Variants in SNX29 observed in about 807,000 individuals in gnomAD.
The protein encoded by SNX29 is sorting nexin-29.
A neutral mutation model predicts 102.1 loss-of-function variants in SNX29; 78 were observed. That is an observed-to-expected ratio of 0.76 (90% CI 0.64 to 0.92). The LOEUF is 0.92. SNX29 is among the 40% of genes least tolerant of loss of function. The pLI, the probability that SNX29 is intolerant of heterozygous loss-of-function variation, is 0.00. For synonymous variants in SNX29, 580 were observed against 414.5 expected (o/e 1.40, Z -4.85); for missense variants, 1,280 against 1,061.7 (o/e 1.21, Z -2.86).
intron 13 of SNX29, among the ~76,000 whole-genome samples, chr16:12,166,096 C>A (rs1376144423): frequency 1.3e-5 from 2 of 152,154 alleles, no homozygotes; most frequent in Non-Finnish European, 2.9e-5. Context: ...GTAGTCATTG[C>A]CGTTATCGTA....
chr16:12,528,842 T>A (rs1344294130), intron 20 of SNX29, among the ~76,000 whole-genome samples: 3 of 152,204 alleles, frequency 2.0e-5, no homozygotes, highest in Admixed American at 2.0e-4. Context: ...TCAGGAATGG[T>A]GGTCCCATTC....
chr16:12,565,178 C>T (rs1598099470), intron 20 of SNX29, among the ~76,000 whole-genome samples: 1 of 152,102 alleles, frequency 6.6e-6, no homozygotes, highest in Non-Finnish European at 1.5e-5. Context: ...TCCTACCCAA[C>T]CCCCCACCTT....
chr16:12,165,740 G>A (rs1369128374), intron 13 of SNX29, among the ~76,000 whole-genome samples: 3 of 152,208 alleles, frequency 2.0e-5, no homozygotes, highest in Non-Finnish European at 2.9e-5. Context: ...ATTTTTGTGT[G>A]TTCAGTGGAG....
chr16:12,292,934 GA>G (rs2079849033), intron 15 of SNX29, among the ~76,000 whole-genome samples: 1 of 152,112 alleles, frequency 6.6e-6, no homozygotes, highest in Non-Finnish European at 1.5e-5. Context: ...TCCAGCTGAG[GA>G]ACTTTCTTAT....
chr16:12,141,008 A>C (rs182178117), intron 13 of SNX29, among the ~76,000 whole-genome samples: 1 of 152,364 alleles, frequency 6.6e-6, no homozygotes, highest in East Asian at 1.9e-4. Flanking sequence ...ATTTCAGTAC[A>C]TATTGGTCTG....
chr16:12,568,568 A>G lies in SNX29; in HGVS notation c.2381A>G (p.Lys794Arg), dbSNP rs556754506. Residue 794 changes from lysine to arginine, a missense_variant, in exon 21 of 21, where the codon AAA becomes AGA. Physicochemically the swap from Lys to Arg is conservative, Grantham distance 26. Coordinates refer to ENST00000566228, the MANE Select transcript of SNX29 (RefSeq NM_032167.5). ...CCCAAAGCAGCTTCCCGCTTCCCCA[A>G]ACTGTCCCGGGGTCAGCCCCGGGAG... ...SRPKAASRFP[K>R]LSRGQPRETR... 104 of 1,608,230 alleles carry G rather than the reference A, an allele frequency of 6.5e-5. No homozygotes were observed. The highest frequency in any genetic ancestry group is 3.6e-4 in the East Asian group (16 of 44,840).
chr16:12,310,256 A>G (rs74008939), intron 15 of SNX29, among the ~76,000 whole-genome samples: 1,992 of 152,350 alleles, frequency 0.013, 57 homozygotes, highest in African/African-American at 0.045. Context: ...TGACCCTGAA[A>G]AAAGGATGTA....
intron 16 of SNX29, among the ~76,000 whole-genome samples, chr16:12,372,145 C>T (rs576136717): frequency 9.8e-4 from 150 of 152,320 alleles, no homozygotes; most frequent in African/African-American, 3.5e-3. Context: ...TATATATACA[C>T]ACACACATGC....
intron 15 of SNX29, among the ~76,000 whole-genome samples, chr16:12,293,685 C>CA (rs1168425631): frequency 6.6e-6 from 1 of 152,140 alleles, no homozygotes; most frequent in East Asian, 1.9e-4. Flanking sequence ...ACATATTGAA[C>CA]ATTTTTTACT....
chr16:12,560,378 G>A (rs986291234), intron 20 of SNX29, among the ~76,000 whole-genome samples: 2 of 152,162 alleles, frequency 1.3e-5, no homozygotes, highest in Non-Finnish European at 2.9e-5. Context: ...TGTGCGCTCA[G>A]TATTTTGAGT....
chr16:12,473,144 A>G (rs569260536), intron 18 of SNX29, among the ~76,000 whole-genome samples: 9 of 152,342 alleles, frequency 5.9e-5, no homozygotes, highest in African/African-American at 2.2e-4. Flanking sequence ...TTTTGGGCCT[A>G]AGCCCTCTGA....
intron 16 of SNX29, chr16:12,372,760 C>A (rs1364712638): frequency 2.0e-5 from 3 of 152,128 alleles, no homozygotes; most frequent in Non-Finnish European, 4.4e-5. Flanking sequence ...GAAGATGGGC[C>A]TGTTAGGCAG....
intron 20 of SNX29, among the ~76,000 whole-genome samples, chr16:12,555,649 A>G (rs2078290331): frequency 6.6e-6 from 1 of 152,000 alleles, no homozygotes; most frequent in Admixed American, 6.6e-5. Context: ...CACTGATGCC[A>G]GACCCTGTCA....
At chr16:12,315,752 G>T (rs966994756) in intron 15 of SNX29, among the ~76,000 whole-genome samples, 1 of 152,218 alleles carries the variant, frequency 6.6e-6, no homozygotes, top group Non-Finnish European at 1.5e-5. Flanking sequence ...TGTTACCACA[G>T]CCCTAACAGA....
chr16:12,240,114 A>T (rs1053536637), intron 14 of SNX29, among the ~76,000 whole-genome samples: 1 of 152,200 alleles, frequency 6.6e-6, no homozygotes, highest in African/African-American at 2.4e-5. Context: ...CGGCCGCATG[A>T]TGTCTCTGTT....
chr16:12,307,380 G>T lies in SNX29; in HGVS notation c.1782+29344G>T, dbSNP rs192383805. On this transcript the variant is annotated intron_variant, in intron 15 of 20. Coordinates refer to ENST00000566228, the MANE Select transcript of SNX29 (RefSeq NM_032167.5). ...AGAACTGTATCCTCCAGTATAAAAT[G>T]AGAAATGCAATTCCTGTCATTAAAT... 2.5e-4 allele frequency among the ~76,000 whole-genome samples: 38 copies of T among 152,306 alleles called. No individual in the cohort carries two copies. The East Asian group carries it at 6.4e-3, about 25-fold the overall frequency.
At chr16:12,368,182 C>T (rs1037189832) in intron 16 of SNX29, among the ~76,000 whole-genome samples, 1 of 152,156 alleles carries the variant, frequency 6.6e-6, no homozygotes, top group Non-Finnish European at 1.5e-5. Flanking sequence ...CCCTGGGGAC[C>T]CATGAGGGGC....
At chr16:12,328,979 A>G (rs1010993998) in intron 15 of SNX29, among the ~76,000 whole-genome samples, 4 of 151,904 alleles carry the variant, frequency 2.6e-5, no homozygotes, top group Non-Finnish European at 5.9e-5. Flanking sequence ...ACAGTGACAA[A>G]ATAACCCCCT....
In SNX29 at chr16:12,570,034, A is replaced by ATC. The variant is rs1322168698; in HGVS notation, c.*1408_*1409dup. On this transcript the variant is annotated 3_prime_UTR_variant, in exon 21 of 21. Transcript: ENST00000566228. ...AGAACTGCCCAGGTGAGCATGGAGC[A>ATC]TCTCCTAGGCTCGAGGACATCTCTG... 2.5e-6 allele frequency: 1 copy of ATC among 393,424 alleles called. No individual in the cohort carries two copies. Among genetic ancestry groups the ATC allele is most frequent in the Non-Finnish European group, 3.8e-6 (1 of 265,194 alleles). 24.4% of individuals were successfully genotyped at this position (393,424 alleles called of 1,614,324 possible).
Sources: gnomAD v4.1 joint callset for allele counts (sites outside exome capture counted in the v4.1 genomes callset) on GRCh38, gnomAD v4.1.1 for gene constraint, MANE v1.5 for transcripts, NCBI Gene and HGNC (gene_info 2026-07-23, HGNC 2026-07-21) for gene names.